SIPA1L3: variants seen among roughly 807,000 people sequenced by gnomAD.
SIPA1L3 encodes signal-induced proliferation-associated 1-like protein 3.
Under a neutral mutation model 150.1 loss-of-function variants are expected in SIPA1L3, and 59 were observed. That is an observed-to-expected ratio of 0.39 (90% CI 0.32 to 0.49). The LOEUF (loss-of-function observed/expected upper bound fraction) is 0.49, where lower values mean the gene tolerates loss of function less well. Ranked by LOEUF, SIPA1L3 falls within the 20% of genes least tolerant of loss-of-function variation. The pLI, the probability that SIPA1L3 is intolerant of heterozygous loss-of-function variation, is 0.86. For missense variants in SIPA1L3, 2,211 were observed against 2,489.5 expected (o/e 0.89, Z 2.38); for synonymous variants, 1,070 against 1,077.6 (o/e 0.99, Z 0.14).
chr19:38,111,128 G>A (rs1026852580), intron 8 of SIPA1L3, among the ~76,000 whole-genome samples: 7 of 151,246 alleles, frequency 4.6e-5, no homozygotes, highest in Admixed American at 2.6e-4. Flanking sequence ...GGGCTCAAAC[G>A]ATCCTCCTGC....
intron 7 of SIPA1L3, among the ~76,000 whole-genome samples, chr19:38,108,978 A>C (rs1248033056): frequency 1.3e-5 from 2 of 152,146 alleles, no homozygotes; most frequent in Non-Finnish European, 2.9e-5. Flanking sequence ...AACAAGAGTG[A>C]AACTCAGTCT....
intron 1 of SIPA1L3, among the ~76,000 whole-genome samples, chr19:37,974,078 G>A (rs1967015309): frequency 6.6e-6 from 1 of 152,148 alleles, no homozygotes; most frequent in African/African-American, 2.4e-5. Context: ...GGGTCATGAT[G>A]CTGATCTAAC....
intron 12 of SIPA1L3, among the ~76,000 whole-genome samples, chr19:38,143,119 C>A (rs1050356199): frequency 1.2e-4 from 18 of 151,944 alleles, no homozygotes; most frequent in Non-Finnish European, 2.5e-4. Flanking sequence ...CCTGAGAGAT[C>A]TCCCCAAACC....
intron 5 of SIPA1L3, among the ~76,000 whole-genome samples, chr19:38,100,443 C>T (rs112403662): frequency 3.9e-5 from 6 of 152,210 alleles, no homozygotes; most frequent in African/African-American, 9.6e-5. Context: ...CTTTCCTCCC[C>T]GCTCCACATG....
intron 1 of SIPA1L3, among the ~76,000 whole-genome samples, chr19:37,981,487 C>T (rs568966180): frequency 6.6e-6 from 1 of 151,440 alleles, no homozygotes; most frequent in Admixed American, 6.6e-5. Context: ...TCTGCCACTT[C>T]TTGTCCGTGT....
At chr19:37,982,024 C>T (rs1470890070) in intron 1 of SIPA1L3, among the ~76,000 whole-genome samples, 1 of 152,140 alleles carries the variant, frequency 6.6e-6, no homozygotes, top group South Asian at 2.1e-4. Flanking sequence ...CGCATGTCCA[C>T]GTTGTGGTCA....
chr19:38,042,433 T>C (rs1568516598), intron 2 of SIPA1L3, among the ~76,000 whole-genome samples: 1 of 152,224 alleles, frequency 6.6e-6, no homozygotes, highest in Non-Finnish European at 1.5e-5. Context: ...GTTGGGGTTT[T>C]TTTGTGGCTA....
chr19:37,973,608 T>TGGCGA (rs59645766), intron 1 of SIPA1L3, among the ~76,000 whole-genome samples: 33,262 of 132,744 alleles, frequency 0.25, 5,238 homozygotes, highest in East Asian at 0.58. Context: ...ACTCTGAGAG[T>TGGCGA]GCTGCTCGCA....
At position 38,106,567 on chromosome 19, in the gene SIPA1L3, C is replaced by CGATGTACCAGGACTACGAGAT. The variant is rs1196074960; in HGVS notation, c.2061_2081dup (p.Glu693_Ile694insMetMetTyrGlnAspTyrGlu). On this transcript the variant is annotated inframe_insertion, in exon 7 of 22. Transcript: ENST00000222345. ...TCCACGGGAACCCACTCCCTCTACA[C>CGATGTACCAGGACTACGAGAT]GATGTACCAGGACTACGAGATCATG... 1 of 1,613,700 alleles carries CGATGTACCAGGACTACGAGAT rather than the reference C, an allele frequency of 6.2e-7. No homozygotes were observed. Among genetic ancestry groups the CGATGTACCAGGACTACGAGAT allele is most frequent in the African/African-American group, 1.3e-5 (1 of 74,924 alleles).
intron 1 of SIPA1L3, among the ~76,000 whole-genome samples, chr19:37,995,821 A>G (rs1460061162): frequency 1.3e-5 from 2 of 152,286 alleles, no homozygotes; most frequent in South Asian, 2.1e-4. Context: ...CACACGTGCC[A>G]TTGGGGCTCT....
At chr19:38,091,952 T>G (rs1357576539) in intron 4 of SIPA1L3, among the ~76,000 whole-genome samples, 1 of 151,824 alleles carries the variant, frequency 6.6e-6, no homozygotes. Flanking sequence ...TAATCCCAGC[T>G]TCTCAGGAGG....
At position 38,081,733 on chromosome 19, in the gene SIPA1L3, C is replaced by T. The variant is rs764361441; in HGVS notation, c.168C>T (p.Thr56=). 9 of 1,583,196 alleles carry T rather than the reference C, an allele frequency of 5.7e-6. No individual in the cohort carries two copies. The highest frequency in any genetic ancestry group is 1.4e-5 in the African/African-American group (1 of 73,338). ...AGCCTCTTGGCGAGAGCCCGGCCACCGCCACCGCCACCGCCACCGCCACCA... is the reference window on the plus strand; with the variant it reads ...AGCCTCTTGGCGAGAGCCCGGCCACTGCCACCGCCACCGCCACCGCCACCA... The part of the protein sequence containing the change: ...MSQPLGESPA[T]ATATATATTR... Residue 56 remains threonine, a synonymous_variant, in exon 3 of 22, where the codon ACC becomes ACT. Coordinates refer to ENST00000222345, the MANE Select transcript of SIPA1L3 (RefSeq NM_015073.3).
chr19:38,025,543 G>T (rs1376264850), intron 1 of SIPA1L3, among the ~76,000 whole-genome samples: 2 of 152,212 alleles, frequency 1.3e-5, no homozygotes, highest in African/African-American at 4.8e-5. Context: ...CAGGAAGTAG[G>T]TTCCTGGCTG....
chr19:38,119,078 C>T (rs530456811), intron 8 of SIPA1L3, among the ~76,000 whole-genome samples: 5 of 152,240 alleles, frequency 3.3e-5, no homozygotes, highest in Admixed American at 3.3e-4. Flanking sequence ...AGCCTGTAGT[C>T]CCAGCTACTT....
chr19:38,188,306 T>G (rs1011878843), intron 16 of SIPA1L3, among the ~76,000 whole-genome samples: 22 of 151,900 alleles, frequency 1.4e-4, no homozygotes, highest in African/African-American at 4.8e-4. Flanking sequence ...TGCCTCAGCC[T>G]CCCGAGTAGC....
intron 16 of SIPA1L3, among the ~76,000 whole-genome samples, chr19:38,187,586 G>A (rs1247396671): frequency 8.7e-5 from 13 of 149,138 alleles, no homozygotes; most frequent in African/African-American, 3.2e-4. Flanking sequence ...GCGAGGTGGC[G>A]GGCGCCTGTA....
intron 12 of SIPA1L3, among the ~76,000 whole-genome samples, chr19:38,147,042 T>C (rs2145950777): frequency 6.6e-6 from 1 of 152,118 alleles, no homozygotes; most frequent in Middle Eastern, 3.4e-3. Flanking sequence ...ACAAAAGTTT[T>C]TTATTTTATT....
At chr19:38,167,248 A>AAAAAAAAAAAT (rs1972231663) in intron 15 of SIPA1L3, among the ~76,000 whole-genome samples, 2 of 150,462 alleles carry the variant, frequency 1.3e-5, no homozygotes. Flanking sequence ...AAAAAAAAAA[A>AAAAAAAAAAAT]GGTGAAGCAG....
intron 15 of SIPA1L3, among the ~76,000 whole-genome samples, chr19:38,177,286 G>C (rs1166595347): frequency 6.6e-6 from 1 of 151,470 alleles, no homozygotes; most frequent in Admixed American, 6.6e-5. Context: ...ACGTGAACCT[G>C]GGAAGCGGAG....
Sources: gnomAD v4.1 joint callset for allele counts (sites outside exome capture counted in the v4.1 genomes callset) on GRCh38, gnomAD v4.1.1 for gene constraint, MANE v1.5 for transcripts, NCBI Gene and HGNC (gene_info 2026-07-23, HGNC 2026-07-21) for gene names.